Variants in HIBCH observed in about 807,000 individuals in gnomAD.
HIBCH encodes the protein 3-hydroxyisobutyryl-CoA hydrolase.
Under a neutral mutation model 58.2 loss-of-function variants are expected in HIBCH, and 50 were observed. The ratio of observed to expected loss-of-function variants is 0.86; its 90% CI spans 0.68 to 1.09. HIBCH has a LOEUF of 1.09. HIBCH is among the 50% of genes least tolerant of loss of function. The probability of loss-of-function intolerance (pLI) is 0.00; values close to 1 mark genes in which losing one functional copy is unlikely to be tolerated. For missense variants in HIBCH, 450 were observed against 449.7 expected (o/e 1.00, Z -0.01); for synonymous variants, 151 against 146.9 (o/e 1.03, Z -0.20).
intron 2 of HIBCH, among the ~76,000 whole-genome samples, chr2:190,309,373 A>G (rs1321395235): frequency 1.3e-5 from 2 of 152,190 alleles, no homozygotes; most frequent in African/African-American, 2.4e-5. Context: ...GAATACAGTG[A>G]TATCAGATGA....
At position 190,209,788 on chromosome 2, in the gene HIBCH, T is replaced by C. The variant is rs35366099; in HGVS notation, c.1012-875A>G. Among the ~76,000 whole-genome samples, 2,343 of 152,306 alleles carry C rather than the reference T, an allele frequency of 0.015. 63 individuals carry two copies. The highest frequency in any genetic ancestry group is 0.052 in the African/African-American group (2,144 of 41,552). On this transcript the variant is annotated intron_variant, in intron 12 of 13. Transcript: ENST00000359678. This position sits in a 1 kb window ranked among gnomAD's most constrained non-coding sequence, Gnocchi z 5.6. ...ACTTTTATTTTCCTAGAATCATCGA[T>C]GTAGGCAATATAGCTGAGTTCAAAT...
At chr2:190,301,158 A>G (rs1471800918) in intron 2 of HIBCH, among the ~76,000 whole-genome samples, 1 of 152,220 alleles carries the variant, frequency 6.6e-6, no homozygotes, top group Non-Finnish European at 1.5e-5. Flanking sequence ...GACTGGAGCC[A>G]GAGGTGCTGG....
intron 6 of HIBCH, among the ~76,000 whole-genome samples, chr2:190,283,267 C>T (rs1399031938): frequency 6.6e-6 from 1 of 152,174 alleles, no homozygotes; most frequent in Non-Finnish European, 1.5e-5. Context: ...TCCACCCTGA[C>T]TCATTCCAAT....
At position 190,263,136 on chromosome 2, in the gene HIBCH, C is replaced by T. The variant is rs370878372; in HGVS notation, c.439-1902G>A. 1.2e-4 allele frequency among the ~76,000 whole-genome samples: 18 copies of T among 152,290 alleles called. No individual in the cohort carries two copies. In the East Asian group the frequency reaches 3.5e-3, roughly 29 times the overall value. On this transcript the variant is annotated intron_variant, in intron 6 of 13. Coordinates refer to ENST00000359678, the MANE Select transcript of HIBCH (RefSeq NM_014362.4). ...CATTTTATTTAACCATTAATCTTAG[C>T]TGATACTTCTTTGCTAGACTAAAAA...
At chr2:190,190,066 A>G (rs929245890) in intron 1 of HIBCH, 1 of 152,254 alleles carries the variant, frequency 6.6e-6, no homozygotes, top group Non-Finnish European at 1.5e-5. Context: ...AACTGTTCTT[A>G]TATCTTATTA....
At chr2:190,227,406 T>C (rs1387353490) in intron 11 of HIBCH, among the ~76,000 whole-genome samples, 3 of 152,122 alleles carry the variant, frequency 2.0e-5, no homozygotes, top group African/African-American at 7.2e-5. Flanking sequence ...TTACACCTTA[T>C]ACAAAAATTA....
At chr2:190,198,242 G>GAATA (rs1353812863) in intron 1 of HIBCH, among the ~76,000 whole-genome samples, 5 of 152,270 alleles carry the variant, frequency 3.3e-5, no homozygotes, top group African/African-American at 9.6e-5. Flanking sequence ...AGAATTTATA[G>GAATA]AATAATATAT....
chr2:190,234,085 A>G (rs1686190452), intron 11 of HIBCH, among the ~76,000 whole-genome samples: 1 of 152,182 alleles, frequency 6.6e-6, no homozygotes, highest in African/African-American at 2.4e-5. Flanking sequence ...TAAACCTGGG[A>G]GGTGGAGCTT....
chr2:190,261,123 A>C, intron 7 of HIBCH, 33 bp downstream of exon 7: 2 of 1,486,574 alleles, frequency 1.3e-6, no homozygotes, highest in Non-Finnish European at 1.9e-6. Context: ...GATGATGCTA[A>C]AAGTAATTAT....
At chr2:190,198,516 C>T (rs1425723012) in intron 1 of HIBCH, among the ~76,000 whole-genome samples, 1 of 151,174 alleles carries the variant, frequency 6.6e-6, no homozygotes, top group Non-Finnish European at 1.5e-5. Context: ...GCCTGCAGGC[C>T]AGCTACTCAG....
intron 6 of HIBCH, among the ~76,000 whole-genome samples, chr2:190,263,614 T>G (rs530781948): frequency 6.6e-6 from 1 of 152,200 alleles, no homozygotes; most frequent in Non-Finnish European, 1.5e-5. Flanking sequence ...CCATCCCTGA[T>G]TTCTCTACTC....
intron 4 of HIBCH, among the ~76,000 whole-genome samples, chr2:190,294,082 A>G (rs1455405614): frequency 6.7e-6 from 1 of 148,676 alleles, no homozygotes; most frequent in Non-Finnish European, 1.5e-5. Context: ...ATAAATAAGT[A>G]CATAGAAGAT....
At chr2:190,299,688 T>C (rs1264497866) in intron 2 of HIBCH, among the ~76,000 whole-genome samples, 1 of 152,226 alleles carries the variant, frequency 6.6e-6, no homozygotes, top group African/African-American at 2.4e-5. Flanking sequence ...TTTTTAACTT[T>C]TATTTTAGGT....
Position 190,215,677 on chromosome 2 carries a change from A to G in HIBCH, c.892-2602T>C, listed in dbSNP as rs1690611585. On this transcript the variant is annotated intron_variant, in intron 11 of 13. Transcript: ENST00000359678. The surrounding 1 kb of genome is among the most constrained non-coding windows in gnomAD (Gnocchi z 4.4). ...AAGCTCAGAAGGTTTCTGTAAGAAG[A>G]AAGGGGGAAACATCGATGAAAAGAA... 6.6e-6 allele frequency: 1 copy of G among 152,234 alleles called. No homozygotes were observed. Among genetic ancestry groups the G allele is most frequent in the Non-Finnish European group, 1.5e-5 (1 of 68,040 alleles). 9.4% of individuals were successfully genotyped at this position (152,234 alleles called of 1,614,324 possible). A position where few individuals can be genotyped will look rare whatever the true frequency, so the allele number is the denominator to read the frequency against.
Position 190,204,127 on chromosome 2 carries a change from C to T in HIBCH, c.*990G>A, listed in dbSNP as rs995639076. On this transcript the variant is annotated 3_prime_UTR_variant, in exon 14 of 14. Transcript: ENST00000359678. ...TGCCTAGAACTTTAAGGTTCTGAGT[C>T]TGGAATACCTTTTAGTTCTTTCATA... 2.6e-5 allele frequency: 4 copies of T among 151,958 alleles called. No individual in the cohort carries two copies. The highest frequency in any genetic ancestry group is 2.0e-4 in the Admixed American group (3 of 15,244). The allele number at this position is 151,958 out of a possible 1,614,324, so 9.4% of individuals were successfully genotyped here. A position where few individuals can be genotyped will look rare whatever the true frequency, so the allele number is the denominator to read the frequency against.
rs559456696 is a variant in HIBCH, at chr2:190,234,768, T to C, written c.891+10119A>G. Among the ~76,000 whole-genome samples, 5 of 151,910 alleles carry C rather than the reference T, an allele frequency of 3.3e-5. 1 individual carries two copies. The South Asian group carries it at 1.0e-3, about 32-fold the overall frequency. On this transcript the variant is annotated intron_variant, in intron 11 of 13. Coordinates refer to ENST00000359678, the MANE Select transcript of HIBCH (RefSeq NM_014362.4). ...GGGAGGCTGAGGCAGGAGAATTGCTTCAACTTGGGAGGTGGAGGCTGCAGT... is the reference window on the plus strand; with the variant it reads ...GGGAGGCTGAGGCAGGAGAATTGCTCCAACTTGGGAGGTGGAGGCTGCAGT...
chr2:190,231,746 AGAG>A (rs1462617743), intron 11 of HIBCH, among the ~76,000 whole-genome samples: 1 of 152,054 alleles, frequency 6.6e-6, no homozygotes, highest in East Asian at 1.9e-4. Context: ...GGAGAGAGGG[AGAG>A]GAGAAGAAAA....
At chr2:190,247,363 C>T (rs1468739200) in intron 9 of HIBCH, among the ~76,000 whole-genome samples, 1 of 152,160 alleles carries the variant, frequency 6.6e-6, no homozygotes, top group African/African-American at 2.4e-5. Context: ...TAATTCATCA[C>T]ATATTTACTC....
In HIBCH at chr2:190,315,318, T is replaced by C. The variant is rs1415575669; in HGVS notation, c.35+4398A>G. 6.6e-6 allele frequency among the ~76,000 whole-genome samples: 1 copy of C among 152,200 alleles called. No homozygotes were observed. The highest frequency in any genetic ancestry group is 1.5e-5 in the Non-Finnish European group (1 of 68,032). On this transcript the variant is annotated intron_variant, in intron 1 of 13. Coordinates refer to ENST00000359678, the MANE Select transcript of HIBCH (RefSeq NM_014362.4). This position sits in a 1 kb window ranked among gnomAD's most constrained non-coding sequence, Gnocchi z 5.4. ...CTTCAACTGATGTCAACTTGGCTTT[T>C]TAGAACAGTTATTCTCAAAGTATGG... is the stretch of plus-strand genomic sequence containing the variant.
Sources: gnomAD v4.1 joint callset for allele counts (sites outside exome capture counted in the v4.1 genomes callset) on GRCh38, gnomAD v4.1.1 for gene constraint, Gnocchi (gnomAD v3.1) non-coding constraint, MANE v1.5 for transcripts, NCBI Gene and HGNC (gene_info 2026-07-23, HGNC 2026-07-21) for gene names.